The following KIAA0825 variants were observed in gnomAD, a reference collection of about 807,000 sequenced individuals.
KIAA0825 encodes KIAA0825.
Under a neutral mutation model 147.6 loss-of-function variants are expected in KIAA0825, and 119 were observed. That is an observed-to-expected ratio of 0.81 (90% CI 0.69 to 0.94). The LOEUF (loss-of-function observed/expected upper bound fraction) is 0.94. KIAA0825 is among the 40% of genes least tolerant of loss of function. The pLI, the probability that KIAA0825 is intolerant of heterozygous loss-of-function variation, is 0.00. For missense variants in KIAA0825, 1,381 were observed against 1,472.7 expected, an observed-to-expected ratio of 0.94 and a Z score of 1.02; for synonymous variants, 470 against 518.1, an observed-to-expected ratio of 0.91 and a Z score of 1.26.
chr5:94,428,146 TG>T (rs1755155684), intron 14 of KIAA0825, among the ~76,000 whole-genome samples: 2 of 9,792 alleles, frequency 2.0e-4, no homozygotes, highest in East Asian at 1.6e-3. Context: ...GGTCTTGTTG[TG>T]TGTGTGTGTG....
At chr5:94,251,163 C>A (rs1399435266) in intron 20 of KIAA0825, among the ~76,000 whole-genome samples, 3 of 152,024 alleles carry the variant, frequency 2.0e-5, no homozygotes, top group Non-Finnish European at 4.4e-5. Context: ...TAGTTATCCC[C>A]CTGGTGGAGA....
chr5:94,383,787 CTGTGTGTGTG>C (rs6149118), intron 20 of KIAA0825, among the ~76,000 whole-genome samples: 52 of 145,450 alleles, frequency 3.6e-4, no homozygotes, highest in African/African-American at 1.0e-3. Context: ...TTATACTGCT[CTGTGTGTGTG>C]TGTGTGTGTG....
chr5:94,314,900 T>C (rs1013560021), intron 20 of KIAA0825, among the ~76,000 whole-genome samples: 2 of 151,622 alleles, frequency 1.3e-5, no homozygotes, highest in Non-Finnish European at 3.0e-5. Context: ...TTACATTAAT[T>C]GAGCTGATCA....
chr5:94,565,771 T>C (rs1352353016), intron 2 of KIAA0825, among the ~76,000 whole-genome samples: 3 of 152,244 alleles, frequency 2.0e-5, no homozygotes, highest in African/African-American at 7.2e-5. Context: ...TGATAAATTA[T>C]AATTGAATAT....
At chr5:94,381,976 A>G (rs777954077) in intron 20 of KIAA0825, among the ~76,000 whole-genome samples, 1 of 152,166 alleles carries the variant, frequency 6.6e-6, no homozygotes, top group Non-Finnish European at 1.5e-5. Context: ...ATACTTGTAT[A>G]TTTCAGTTCA....
rs1435672909 is a variant in KIAA0825 at position 94,270,706 on chromosome 5, A to G, written c.3710+113662T>C. Reference sequence around the variant, plus strand: ...GGGGGGAATTTCTTATAACAATCTGAAAGTAAGGATAACTCATTTTACTAT... The same window carrying G: ...GGGGGGAATTTCTTATAACAATCTGGAAGTAAGGATAACTCATTTTACTAT... On this transcript the variant is annotated intron_variant, in intron 20 of 20. Transcript: ENST00000682413. Among the ~76,000 whole-genome samples, 7 of 152,190 alleles carry G rather than the reference A, an allele frequency of 4.6e-5. No individual in the cohort carries two copies. In the East Asian group the frequency reaches 1.2e-3, roughly 25 times the overall value.
intron 20 of KIAA0825, among the ~76,000 whole-genome samples, chr5:94,166,833 CTT>C (rs1475533700): frequency 6.6e-6 from 1 of 151,866 alleles, no homozygotes; most frequent in Non-Finnish European, 1.5e-5. Flanking sequence ...AGCAGTATAA[CTT>C]TTTTTGAGTA....
rs1051508446 is a variant in KIAA0825 at position 94,520,329 on chromosome 5, G to A, written c.889C>T (p.Leu297=). 6.2e-7 allele frequency: 1 copy of A among 1,613,372 alleles called. No homozygotes were observed. The highest frequency in any genetic ancestry group is 1.3e-5 in the African/African-American group (1 of 74,888). The change falls in exon 5 of 21, where the codon CTG becomes TTG. Residue 297 remains leucine (L), a synonymous_variant. Transcript: ENST00000682413. ...MAKFLENFCE[L]QFRENAVRVV... is the part of the protein sequence containing the mutation. ...CGAACAGCATTTTCTCTGAACTGCA[G>A]CTCACAAAAATTTTCAAGAAATTTT...
At chr5:94,257,010 A>C (rs958966199) in intron 20 of KIAA0825, among the ~76,000 whole-genome samples, 1 of 152,138 alleles carries the variant, frequency 6.6e-6, no homozygotes, top group African/African-American at 2.4e-5. Flanking sequence ...TGCTCAAATA[A>C]ATGAAAAAAT....
At chr5:94,204,014 G>A (rs1771934375) in intron 20 of KIAA0825, among the ~76,000 whole-genome samples, 1 of 152,132 alleles carries the variant, frequency 6.6e-6, no homozygotes. Context: ...CAAACTGAAT[G>A]ACTATAAACA....
chr5:94,424,529 T>C (rs116161286), intron 14 of KIAA0825, among the ~76,000 whole-genome samples: 4 of 152,006 alleles, frequency 2.6e-5, no homozygotes, highest in African/African-American at 9.7e-5. Context: ...AGTGTTAAGA[T>C]GGAAGTTTAT....
rs1370617378 is a variant in KIAA0825 at position 94,160,403 on chromosome 5, ATATG to A, written c.3711-6283_3711-6280del. ...TATGTACATATATGAATACAGTAATATATGTATACAGTATACATATGTATACAGT... is the reference window on the plus strand; with the variant it reads ...TATGTACATATATGAATACAGTAATATATACAGTATACATATGTATACAGT... On this transcript the variant is annotated intron_variant, in intron 20 of 20. Transcript: ENST00000682413. 6.7e-5 allele frequency among the ~76,000 whole-genome samples: 10 copies of A among 150,360 alleles called. No homozygotes were observed. In the East Asian group the frequency reaches 1.6e-3, roughly 23 times the overall value.
intron 2 of KIAA0825, among the ~76,000 whole-genome samples, chr5:94,559,798 A>G (rs569001679): frequency 6.6e-6 from 1 of 152,288 alleles, no homozygotes; most frequent in African/African-American, 2.4e-5. Context: ...CACATCACTG[A>G]TTCGAAGGTT....
At chr5:94,565,345 C>CTT (rs200278201) in intron 2 of KIAA0825, among the ~76,000 whole-genome samples, 263 of 136,982 alleles carry the variant, frequency 1.9e-3, no homozygotes, top group African/African-American at 2.6e-3. Flanking sequence ...ATTTTAATTC[C>CTT]TTTTTTTTTT....
intron 20 of KIAA0825, among the ~76,000 whole-genome samples, chr5:94,307,749 T>C (rs755379273): frequency 2.0e-5 from 3 of 151,788 alleles, no homozygotes; most frequent in Non-Finnish European, 4.4e-5. Flanking sequence ...ATTGTCTTCC[T>C]CTGGATCCCC....
chr5:94,321,606 G>T (rs946471342), intron 20 of KIAA0825, among the ~76,000 whole-genome samples: 4 of 151,922 alleles, frequency 2.6e-5, no homozygotes, highest in African/African-American at 9.7e-5. Context: ...CCATGATTCT[G>T]CTAGCAAAAT....
At chr5:94,466,953 T>A (rs550099136) in intron 10 of KIAA0825, among the ~76,000 whole-genome samples, 229 of 152,218 alleles carry the variant, frequency 1.5e-3, no homozygotes, top group Non-Finnish European at 1.6e-3. Context: ...CATGAATGAT[T>A]TACACTAACT....
At chr5:94,516,346 GCATAGCATAA>G (rs1370217949) in intron 5 of KIAA0825, among the ~76,000 whole-genome samples, 18 of 152,150 alleles carry the variant, frequency 1.2e-4, no homozygotes, top group Non-Finnish European at 4.4e-5. Context: ...GCACAGCATA[GCATAGCATAA>G]CATAGCATAG....
chr5:94,418,473 C>A (rs928635471), intron 14 of KIAA0825, among the ~76,000 whole-genome samples: 5 of 151,728 alleles, frequency 3.3e-5, no homozygotes, highest in Admixed American at 6.6e-5. Context: ...AACCCTCCCC[C>A]ACCCCTGCCC....
Sources: gnomAD v4.1 joint callset for allele counts (sites outside exome capture counted in the v4.1 genomes callset) on GRCh38, gnomAD v4.1.1 for gene constraint, MANE v1.5 for transcripts, NCBI Gene and HGNC (gene_info 2026-07-23, HGNC 2026-07-21) for gene names.